The following ASAP1 variants were observed in gnomAD, a reference collection of about 807,000 sequenced individuals.
The protein encoded by ASAP1 is ArfGAP with SH3 domain, ankyrin repeat and PH domain 1.
ASAP1 carries 43 observed loss-of-function variants against 145.2 expected under a neutral mutation model. The observed-to-expected ratio is 0.30, with a 90% CI of 0.23 to 0.38. The LOEUF (loss-of-function observed/expected upper bound fraction) is 0.38. Ranked by LOEUF, ASAP1 falls within the 10% of genes least tolerant of loss-of-function variation. The pLI, the probability that ASAP1 is intolerant of heterozygous loss-of-function variation, is 1.00. For synonymous variants in ASAP1, 546 were observed against 515.5 expected (o/e 1.06, Z -0.80); for missense variants, 1,018 against 1,355.3 (o/e 0.75, Z 3.91).
chr8:130,151,671 A>G (rs955487046), intron 13 of ASAP1, among the ~76,000 whole-genome samples: 1 of 152,256 alleles, frequency 6.6e-6, no homozygotes, highest in African/African-American at 2.4e-5. Flanking sequence ...ACAATCTTTA[A>G]GATGTGTGCA....
intron 9 of ASAP1, chr8:130,178,983 T>C (rs1814162496): frequency 7.5e-6 from 2 of 267,344 alleles, no homozygotes; most frequent in Non-Finnish European, 1.4e-5. Flanking sequence ...CATGCATCTG[T>C]AATAAGAGCT....
chr8:130,288,011 G>A (rs1821721442), intron 3 of ASAP1, among the ~76,000 whole-genome samples: 1 of 152,148 alleles, frequency 6.6e-6, no homozygotes, highest in African/African-American at 2.4e-5. Context: ...CATGCAGGGT[G>A]AGGCCATCCC....
At chr8:130,286,879 A>G (rs1237378251) in intron 3 of ASAP1, among the ~76,000 whole-genome samples, 1 of 152,188 alleles carries the variant, frequency 6.6e-6, no homozygotes, top group Non-Finnish European at 1.5e-5. Flanking sequence ...ATTTATCTAG[A>G]CATCAGTTTA....
In ASAP1 at chr8:130,134,305, T is replaced by G. The variant is rs754975803; in HGVS notation, c.1208A>C (p.Asp403Ala). The part of the protein sequence containing the change: ...TYHFQAEDEQ[D>A]YVAWISVLTN... ...TTTCAAAACTACTTACGCTACATAA[T>G]CCTGCTCATCTTCTGCCTGAAAGTG... Residue 403 changes from aspartate (D) to alanine (A), a missense_variant, in exon 15 of 30, where the codon GAT becomes GCT. Around this residue, in one of 9 missense-constraint regions of ASAP1, gnomAD observed 153 missense variants for 221.6 expected, o/e 0.69. Transcript: ENST00000518721. 6.3e-7 allele frequency: 1 copy of G among 1,587,138 alleles called. No individual in the cohort carries two copies. Among genetic ancestry groups the G allele is most frequent in the East Asian group, 2.3e-5 (1 of 44,114 alleles).
intron 3 of ASAP1, among the ~76,000 whole-genome samples, chr8:130,256,338 T>TG (rs1227323732): frequency 6.9e-6 from 1 of 144,958 alleles, no homozygotes; most frequent in Non-Finnish European, 1.5e-5. Flanking sequence ...TGTCCCTAGC[T>TG]CATACATTCA....
At chr8:130,124,422 C>A (rs1331346486) in intron 17 of ASAP1, among the ~76,000 whole-genome samples, 2 of 152,208 alleles carry the variant, frequency 1.3e-5, no homozygotes, top group Non-Finnish European at 2.9e-5. Flanking sequence ...TCTGGTTCTA[C>A]ACACATATAA....
intron 1 of ASAP1, among the ~76,000 whole-genome samples, chr8:130,420,115 T>C (rs1483111048): frequency 6.6e-6 from 1 of 151,956 alleles, no homozygotes; most frequent in African/African-American, 2.4e-5. Flanking sequence ...TACTTAAAGA[T>C]TCCTTTATGT....
intron 25 of ASAP1, among the ~76,000 whole-genome samples, chr8:130,090,138 T>A (rs2097502494): frequency 6.6e-6 from 1 of 152,218 alleles, no homozygotes; most frequent in African/African-American, 2.4e-5. Flanking sequence ...CTGCTAGTCT[T>A]GCTCTTGAGT....
intron 25 of ASAP1, among the ~76,000 whole-genome samples, chr8:130,081,928 C>T (rs1362640651): frequency 2.0e-5 from 3 of 152,112 alleles, no homozygotes; most frequent in African/African-American, 7.2e-5. Context: ...ATAGTATAAT[C>T]ACCCCTCATT....
chr8:130,126,192 T>G, intron 16 of ASAP1, 103 bp from the exon 17 acceptor site: 2 of 1,107,722 alleles, frequency 1.8e-6, no homozygotes, highest in Non-Finnish European at 2.5e-6. Context: ...TTAAGAACTA[T>G]GAAGAAAAGA....
chr8:130,245,926 A>C (rs943944250), intron 3 of ASAP1, among the ~76,000 whole-genome samples: 1 of 152,150 alleles, frequency 6.6e-6, no homozygotes, highest in African/African-American at 2.4e-5. Context: ...AAAAATATTC[A>C]CTATCTAATC....
At position 130,121,760 on chromosome 8, in the gene ASAP1, G is replaced by C. The variant is rs553269017; in HGVS notation, c.1607+2253C>G. 1.0e-4 allele frequency among the ~76,000 whole-genome samples: 12 copies of C among 115,538 alleles called. No homozygotes were observed. In the South Asian group the frequency reaches 2.9e-3, roughly 28 times the overall value. The allele number at this position is 115,538 out of a possible 152,430, so 75.8% of individuals were successfully genotyped here. On this transcript the variant is annotated intron_variant, in intron 18 of 29. Transcript: ENST00000518721. ...GATCGCATCACTGCACTCCAGCCTA[G>C]GCTATGAGAGTGAAATTCCATCTCA...
At chr8:130,133,256 C>T (rs2097585894) in intron 15 of ASAP1, among the ~76,000 whole-genome samples, 2 of 152,086 alleles carry the variant, frequency 1.3e-5, no homozygotes, top group African/African-American at 4.8e-5. Context: ...TCTAGACAGG[C>T]TACAGGAAAG....
chr8:130,440,362 C>T (rs970908000), intron 1 of ASAP1, among the ~76,000 whole-genome samples: 3 of 152,092 alleles, frequency 2.0e-5, no homozygotes, highest in African/African-American at 4.8e-5. Flanking sequence ...TAAAAATTAG[C>T]CAGGTGTGGT....
intron 11 of ASAP1, among the ~76,000 whole-genome samples, chr8:130,162,368 G>T (rs1489354907): frequency 7.2e-5 from 11 of 152,148 alleles, no homozygotes; most frequent in Non-Finnish European, 1.3e-4. Flanking sequence ...AAGAAAAATG[G>T]ATTGGGTTGC....
intron 16 of ASAP1, 49 bp from the exon 17 acceptor site, chr8:130,126,138 T>C: frequency 6.4e-7 from 1 of 1,560,320 alleles, no homozygotes; most frequent in Non-Finnish European, 8.7e-7. Context: ...CATCTAATTT[T>C]AGTGTGCCAA....
At chr8:130,375,827 T>C (rs1234903969) in intron 2 of ASAP1, among the ~76,000 whole-genome samples, 2 of 152,216 alleles carry the variant, frequency 1.3e-5, no homozygotes, top group African/African-American at 4.8e-5. Context: ...AAAAGCATGA[T>C]TTCAAAGCCA....
In ASAP1 at chr8:130,134,322, C is replaced by T. The variant is rs752556242; in HGVS notation, c.1191G>A (p.Gln397=). ...LISHNRTYHF[Q]AEDEQDYVAW... is the part of the protein sequence containing the mutation. ...CTACATAATCCTGCTCATCTTCTGCCTGAAAGTGATATGTTCTATTATCTA... is the reference window on the plus strand; with the variant it reads ...CTACATAATCCTGCTCATCTTCTGCTTGAAAGTGATATGTTCTATTATCTA... Residue 397 remains glutamine, a synonymous_variant, in exon 15 of 30, where the codon CAG becomes CAA. Transcript: ENST00000518721. 33 of 1,584,082 alleles carry T rather than the reference C, an allele frequency of 2.1e-5. No individual in the cohort carries two copies. Among genetic ancestry groups the T allele is most frequent in the Non-Finnish European group, 2.7e-5 (32 of 1,165,240 alleles).
At chr8:130,188,739 A>AAAAAAAAAAAAAAG (rs1554842792) in intron 5 of ASAP1, among the ~76,000 whole-genome samples, 18 of 150,404 alleles carry the variant, frequency 1.2e-4, no homozygotes, top group East Asian at 3.9e-4. Context: ...AAAAAAAAAA[A>AAAAAAAAAAAAAAG]AAAAAAGAAA....
Sources: gnomAD v4.1 joint callset for allele counts (sites outside exome capture counted in the v4.1 genomes callset) on GRCh38, gnomAD v4.1.1 for gene constraint, gnomAD v4.1.1 regional missense constraint, MANE v1.5 for transcripts, NCBI Gene and HGNC (gene_info 2026-07-23, HGNC 2026-07-21) for gene names.